Variants in KMT2B observed in about 807,000 individuals in gnomAD.
KMT2B encodes histone-lysine N-methyltransferase 2B.
KMT2B carries 22 observed loss-of-function variants against 255.3 expected under a neutral mutation model. That is an observed-to-expected ratio of 0.09 (90% confidence interval 0.06 to 0.12). KMT2B has a LOEUF of 0.12. Ranked by LOEUF, KMT2B falls within the 10% of genes least tolerant of loss-of-function variation. KMT2B has a pLI of 1.00. For synonymous variants in KMT2B, 1,730 were observed against 1,498.1 expected (o/e 1.15, Z -3.57); for missense variants, 3,149 against 3,737.0 (o/e 0.84, Z 4.10).
At chr19:35,724,612 T>G (rs1230519501) in intron 8 of KMT2B, 25 bp from the exon 9 acceptor site, 2 of 1,563,224 alleles carry the variant, frequency 1.3e-6, no homozygotes, top group African/African-American at 2.7e-5. Flanking sequence ...GGGAGTGACC[T>G]CACTGCTCAT....
At chr19:35,730,515 C>T in intron 24 of KMT2B, 23 bp from the exon 25 acceptor site, 1 of 1,614,042 alleles carries the variant, frequency 6.2e-7, no homozygotes, top group Non-Finnish European at 8.5e-7. Context: ...CCTGCCTCTC[C>T]TGACCTCCGC....
chr19:35,725,908 G>A lies in KMT2B; in HGVS notation c.3885+90G>A, dbSNP rs1325188735. ...CTCTAGGCTGGGGCTCTCAGGAGGA[G>A]CAGAGGTTGGGGATCCTCTTAAGAA... On this transcript the variant is annotated intron_variant, in intron 13 of 36. Coordinates refer to ENST00000420124, the MANE Select transcript of KMT2B (RefSeq NM_014727.3). This position sits in a 1 kb window ranked among gnomAD's most constrained non-coding sequence, Gnocchi z 4.1. The A allele has an allele frequency of 9.3e-7, 1 of 1,073,644 alleles. No homozygotes were observed. Among genetic ancestry groups the A allele is most frequent in the African/African-American group, 1.6e-5 (1 of 63,560 alleles). 66.5% of individuals were successfully genotyped at this position (1,073,644 alleles called of 1,614,324 possible).
In KMT2B at chr19:35,718,296, G is replaced by A; in HGVS notation, c.278G>A (p.Arg93Gln). The change falls in exon 1 of 37, where the codon CGG becomes CAG. Residue 93 changes from arginine to glutamine, a missense_variant. Arg to Gln is a conservative substitution (Grantham distance 43, BLOSUM62 1). Coordinates refer to ENST00000420124, the MANE Select transcript of KMT2B (RefSeq NM_014727.3). This position sits in a 1 kb window ranked among gnomAD's most constrained non-coding sequence, Gnocchi z 5.0. ...LWAGPRVQRG[R>Q]GRGRGRGWGP... ...GCCGGCCCGCGGGTCCAGCGGGGCC[G>A]GGGACGGGGTCGGGGCCGGGGCTGG... The A allele has an allele frequency of 8.1e-7, 1 of 1,229,546 alleles. No homozygotes were observed. The highest frequency in any genetic ancestry group is 1.0e-6 in the Non-Finnish European group (1 of 977,564). The allele number at this position is 1,229,546 out of a possible 1,614,324, so 76.2% of individuals were successfully genotyped here.
intron 26 of KMT2B, 76 bp downstream of exon 26, chr19:35,730,943 C>T: frequency 6.9e-7 from 1 of 1,449,502 alleles, no homozygotes; most frequent in Non-Finnish European, 9.2e-7. Context: ...TCCCCGCTCC[C>T]TTTTGGAAAG....
Position 35,721,064 on chromosome 19 carries a change from G to A in KMT2B, c.1717G>A (p.Val573Ile). Residue 573 changes from valine to isoleucine, a missense_variant, in exon 3 of 37, where the codon GTT (valine) becomes ATT (isoleucine). By Grantham distance (29) the Val-to-Ile change is conservative (BLOSUM62 3). Coordinates refer to ENST00000420124, the MANE Select transcript of KMT2B (RefSeq NM_014727.3). Reference sequence around the variant, plus strand: ...ACCTCCCATTACCACCTCCCCACCTGTTCCCCAGGAGCCAGCACCAGTCCC... The same window carrying A: ...ACCTCCCATTACCACCTCCCCACCTATTCCCCAGGAGCCAGCACCAGTCCC... ...LRPPITTSPP[V>I]PQEPAPVPSP... 1 of 1,603,266 alleles carries A rather than the reference G, an allele frequency of 6.2e-7. No individual in the cohort carries two copies. The highest frequency in any genetic ancestry group is 1.1e-5 in the South Asian group (1 of 90,148).
rs2242519 is a variant in KMT2B at position 35,721,107 on chromosome 19, C to T, written c.1760C>T (p.Pro587Leu). ...CCAGTCCCCTCTCCACCACGTGCCC[C>T]AACTCCTCCATCTACCCCAGTTCCA... ...PAPVPSPPRA[P>L]TPPSTPVPLP... The change falls in exon 3 of 37, where the codon CCA becomes CTA. Residue 587 changes from proline (P) to leucine (L), a missense_variant. Physicochemically the swap from Pro to Leu is moderately conservative, Grantham distance 98 (BLOSUM62 -3). Around this residue, in one of 18 missense-constraint regions of KMT2B, gnomAD observed 1,188 missense variants for 1,106.4 expected, o/e 1.07. Transcript: ENST00000420124. The T allele has an allele frequency of 6.2e-7, 1 of 1,610,518 alleles. No individual in the cohort carries two copies. Among genetic ancestry groups the T allele is most frequent in the African/African-American group, 1.3e-5 (1 of 74,472 alleles).
At position 35,732,655 on chromosome 19, in the gene KMT2B, C is replaced by T; in HGVS notation, c.6106C>T (p.His2036Tyr). The T allele has an allele frequency of 1.2e-6, 2 of 1,610,550 alleles. No homozygotes were observed. Among genetic ancestry groups the T allele is most frequent in the Non-Finnish European group, 1.7e-6 (2 of 1,178,504 alleles). The change falls in exon 28 of 37, where the codon CAC becomes TAC. Residue 2036 changes from histidine (H) to tyrosine (Y), a missense_variant. Physicochemically the swap from His to Tyr is moderately conservative, Grantham distance 83. Transcript: ENST00000420124. ...GTCCAGCCCCACCTCCCGCTACATC[C>T]ACTTCCCTGTGACTGTGGTGTCCGC... The part of the protein sequence containing the change: ...EESSPTSRYI[H>Y]FPVTVVSAPG...
chr19:35,730,051 C>T lies in KMT2B; in HGVS notation c.5002C>T (p.Arg1668Trp). 6.2e-7 allele frequency: 1 copy of T among 1,613,706 alleles called. No individual in the cohort carries two copies. The highest frequency in any genetic ancestry group is 8.5e-7 in the Non-Finnish European group (1 of 1,179,780). ...CLSNFHFMCA[R>W]ASYCIFQDDK... ...CAGCAACTTCCACTTCATGTGTGCC[C>T]GGGCCAGCTACTGCATCTTCCAGGA... The change falls in exon 23 of 37, where the codon CGG becomes TGG. Residue 1668 changes from arginine to tryptophan, a missense_variant. By Grantham distance (101) the Arg-to-Trp change is moderately radical (BLOSUM62 -3). Coordinates refer to ENST00000420124, the MANE Select transcript of KMT2B (RefSeq NM_014727.3).
rs1969064655 is a variant in KMT2B at position 35,718,814 on chromosome 19, CCA to C, written c.363+434_363+435del. 2.0e-5 allele frequency among the ~76,000 whole-genome samples: 3 copies of C among 152,282 alleles called. No homozygotes were observed. In the South Asian group the frequency reaches 6.2e-4, roughly 32 times the overall value. The stretch of plus-strand genomic sequence containing the variant: ...GCAACCTCCTGGTTTCTCCAGGGCC[CCA>C]GTTTCTCTTGGCATCTCAGGTAGAG... On this transcript the variant is annotated intron_variant, in intron 1 of 36. Transcript: ENST00000420124. This position sits in a 1 kb window ranked among gnomAD's most constrained non-coding sequence, Gnocchi z 5.0.
At position 35,720,624 on chromosome 19, in the gene KMT2B, C is replaced by G; in HGVS notation, c.1277C>G (p.Pro426Arg). The change falls in exon 3 of 37, where the codon CCC (proline) becomes CGC (arginine). Residue 426 changes from proline (P) to arginine (R), a missense_variant. By Grantham distance (103) the Pro-to-Arg change is moderately radical. Coordinates refer to ENST00000420124, the MANE Select transcript of KMT2B (RefSeq NM_014727.3). ...CCACCCCCTTCGACATCTCCTCCAC[C>G]CCCACTCTGCCCTCCACCACCACCC... Reference protein sequence around the residue: ...PLPPPSTSPPPPLCPPPPPPV... With the variant: ...PLPPPSTSPPRPLCPPPPPPV... 1 of 1,477,594 alleles carries G rather than the reference C, an allele frequency of 6.8e-7. No individual in the cohort carries two copies. Among genetic ancestry groups the G allele is most frequent in the East Asian group, 2.5e-5 (1 of 40,140 alleles). The allele number at this position is 1,477,594 out of a possible 1,614,324, so 91.5% of individuals were successfully genotyped here.
In KMT2B at chr19:35,732,119, C is replaced by T. The variant is rs1224182698; in HGVS notation, c.5649C>T (p.Gly1883=). 1 of 1,596,610 alleles carries T rather than the reference C, an allele frequency of 6.3e-7. No individual in the cohort carries two copies. The change falls in exon 27 of 37, where the codon GGC becomes GGT. Residue 1883 remains glycine, a synonymous_variant. Coordinates refer to ENST00000420124, the MANE Select transcript of KMT2B (RefSeq NM_014727.3). ...SRRPLGGVSF[G]PLPSPGSPSS... ...GGCCCTTGGGGGGTGTCTCCTTTGG[C>T]CCCCTGCCCTCCCCTGGTGAGCACC...
chr19:35,727,061 G>A lies in KMT2B; in HGVS notation c.4004-95G>A. ...TAGGGGCCCAAAACAGGGGCATAGT[G>A]GAGGCAGCTAAGGTACTGCTAATCC... On this transcript the variant is annotated intron_variant, in intron 14 of 36. Transcript: ENST00000420124. This position sits in a 1 kb window ranked among gnomAD's most constrained non-coding sequence, Gnocchi z 4.2. The A allele has an allele frequency of 2.5e-6, 2 of 784,808 alleles. No individual in the cohort carries two copies. The highest frequency in any genetic ancestry group is 2.4e-4 in the Middle Eastern group (1 of 4,244). The allele number at this position is 784,808 out of a possible 1,614,324, so 48.6% of individuals were successfully genotyped here.
chr19:35,729,835 G>C (rs1969620984), intron 22 of KMT2B, 132 bp from the exon 23 acceptor site: 1 of 840,960 alleles, frequency 1.2e-6, no homozygotes, highest in Non-Finnish European at 1.8e-6. Flanking sequence ...GATGCGGCTG[G>C]GGAGAGGCTG....
At chr19:35,722,003 C>CTTTTTTTTT in intron 3 of KMT2B, among the ~76,000 whole-genome samples, 199 bp downstream of exon 3, 1 of 134,622 alleles carries the variant, frequency 7.4e-6, no homozygotes, top group African/African-American at 3.0e-5. Context: ...CCCTATCTTC[C>CTTTTTTTTT]TTTTTTTTTT....
Position 35,724,011 on chromosome 19 carries a change from C to A in KMT2B, c.3334+4C>A. The A allele has an allele frequency of 6.3e-7, 1 of 1,579,066 alleles. No homozygotes were observed. The highest frequency in any genetic ancestry group is 8.6e-7 in the Non-Finnish European group (1 of 1,163,062). On this transcript the variant is annotated splice_donor_region_variant and intron_variant, in intron 8 of 36. Coordinates refer to ENST00000420124, the MANE Select transcript of KMT2B (RefSeq NM_014727.3). ...CGTCGGACCCCCCGAGAAAATGGTG[C>A]GAACTGCTTAATGCTTTCTCTGTTG...
Position 35,733,203 on chromosome 19 carries a change from A to G in KMT2B, c.6654A>G (p.Pro2218=). 1.4e-6 allele frequency: 2 copies of G among 1,437,456 alleles called. No individual in the cohort carries two copies. The highest frequency in any genetic ancestry group is 1.9e-6 in the Non-Finnish European group (2 of 1,066,936). 89.0% of individuals were successfully genotyped at this position (1,437,456 alleles called of 1,614,324 possible). ...CTGTCCCACCCCCAGTGAAGCAGCC[A>G]CCTTTGCCCCCCACCATTTCCCCCA... ...GEPVPPPVKQ[P]PLPPTISPTA... The change falls in exon 28 of 37, where the codon CCA becomes CCG. Residue 2218 remains proline, a synonymous_variant. Coordinates refer to ENST00000420124, the MANE Select transcript of KMT2B (RefSeq NM_014727.3). This position sits in a 1 kb window ranked among gnomAD's most constrained non-coding sequence, Gnocchi z 4.3.
In KMT2B at chr19:35,720,940, G is replaced by A. The variant is rs779053204; in HGVS notation, c.1593G>A (p.Val531=). ...LKNIRQFIMP[V]VSARSSRVIK... is the part of the protein sequence containing the mutation. ...ATATCCGGCAGTTTATTATGCCTGT[G>A]GTGAGTGCCCGCTCCTCCCGTGTCA... Residue 531 remains valine, a synonymous_variant, in exon 3 of 37, where the codon GTG becomes GTA. Transcript: ENST00000420124. 5 of 1,611,670 alleles carry A rather than the reference G, an allele frequency of 3.1e-6. No individual in the cohort carries two copies. The highest frequency in any genetic ancestry group is 4.2e-6 in the Non-Finnish European group (5 of 1,179,204).
At position 35,732,324 on chromosome 19, in the gene KMT2B, A is replaced by G. The variant is rs868683794; in HGVS notation, c.5775A>G (p.Pro1925=). The change falls in exon 28 of 37, where the codon CCA becomes CCG. Residue 1925 remains proline (P), a synonymous_variant. Transcript: ENST00000420124. ...RPSPLAPRPP[P]SRWASPPLKT... The stretch of plus-strand genomic sequence containing the variant: ...GCCCTTTGGCTCCCAGGCCGCCTCC[A>G]TCACGGTGGGCCTCCCCTCCTCTAA... The G allele has an allele frequency of 6.2e-7, 1 of 1,609,644 alleles. No individual in the cohort carries two copies. Among genetic ancestry groups the G allele is most frequent in the Non-Finnish European group, 8.5e-7 (1 of 1,178,244 alleles).
At chr19:35,722,906 CGA>C in intron 5 of KMT2B, 87 bp from the exon 6 acceptor site, 1 of 1,443,708 alleles carries the variant, frequency 6.9e-7, no homozygotes, top group Non-Finnish European at 9.2e-7. Context: ...TGTGAGAAAG[CGA>C]GAGCCAGGTT....
Sources: gnomAD v4.1 joint callset for allele counts (sites outside exome capture counted in the v4.1 genomes callset) on GRCh38, gnomAD v4.1.1 for gene constraint, gnomAD v4.1.1 regional missense constraint, Gnocchi (gnomAD v3.1) non-coding constraint, MANE v1.5 for transcripts, NCBI Gene and HGNC (gene_info 2026-07-23, HGNC 2026-07-21) for gene names.